Variants in SDK1 observed in about 807,000 individuals in gnomAD.
SDK1 encodes the protein sidekick cell adhesion molecule 1.
A neutral mutation model predicts 245.5 loss-of-function variants in SDK1; 157 were observed. That is an observed-to-expected ratio of 0.64 (90% CI 0.56 to 0.73). The LOEUF is 0.73. Among genes scored for constraint, SDK1 ranks in the 30% least tolerant of loss-of-function variants. The pLI, the probability that SDK1 is intolerant of heterozygous loss-of-function variation, is 0.00. For missense variants in SDK1, 3,583 were observed against 3,002.3 expected, an observed-to-expected ratio of 1.19 and a Z score of -4.52; for synonymous variants, 1,647 against 1,278.5, an observed-to-expected ratio of 1.29 and a Z score of -6.15.
chr7:3,627,047 C>T (rs1782144303), intron 2 of SDK1, among the ~76,000 whole-genome samples: 1 of 152,082 alleles, frequency 6.6e-6, no homozygotes, highest in African/African-American at 2.4e-5. Context: ...CCCACCTCAG[C>T]TTCCCACGTA....
At chr7:4,242,533 G>A (rs1009056447) in intron 43 of SDK1, among the ~76,000 whole-genome samples, 1 of 152,058 alleles carries the variant, frequency 6.6e-6, no homozygotes. Flanking sequence ...TCTGATTTGA[G>A]TACCCTTGAC....
Position 3,604,432 on chromosome 7 carries a change from C to CT in SDK1, c.299-14645dup, listed in dbSNP as rs1256202640. ...AGGAAGGTGGGTTATTGACTTCAGG[C>CT]TTTCCCTCTTTCTAATGTAAGCATT... is the stretch of plus-strand genomic sequence containing the variant. On this transcript the variant is annotated intron_variant, in intron 1 of 44. Coordinates refer to ENST00000404826, the MANE Select transcript of SDK1 (RefSeq NM_152744.4). Among the ~76,000 whole-genome samples, 3 of 152,148 alleles carry CT rather than the reference C, an allele frequency of 2.0e-5. No individual in the cohort carries two copies. The East Asian group carries it at 5.8e-4, about 29-fold the overall frequency.
At chr7:4,183,527 C>G (rs376030059) in intron 35 of SDK1, among the ~76,000 whole-genome samples, 7 of 150,628 alleles carry the variant, frequency 4.6e-5, no homozygotes, top group Non-Finnish European at 7.4e-5. Flanking sequence ...CCCAGCTACT[C>G]GGGAGGCGGA....
At chr7:4,262,299 G>A (rs574502415) in intron 44 of SDK1, among the ~76,000 whole-genome samples, 6 of 151,458 alleles carry the variant, frequency 4.0e-5, no homozygotes, top group African/African-American at 4.9e-5. Flanking sequence ...CAGGTGATCC[G>A]CTCGCCTCAG....
chr7:3,562,831 G>C (rs1779788645), intron 1 of SDK1, among the ~76,000 whole-genome samples: 1 of 133,142 alleles, frequency 7.5e-6, no homozygotes, highest in African/African-American at 2.9e-5. Context: ...CCTTATAAAA[G>C]TTTCTATATA....
In SDK1 at chr7:3,756,939, T is replaced by C. The variant is rs564764242; in HGVS notation, c.714-64511T>C. 2.0e-5 allele frequency among the ~76,000 whole-genome samples: 3 copies of C among 152,252 alleles called. No homozygotes were observed. The South Asian group carries it at 6.2e-4, about 32-fold the overall frequency. On this transcript the variant is annotated intron_variant, in intron 4 of 44. Transcript: ENST00000404826. ...AACCTTGACCCTTTGGTGAGGGTGGTGACAGTTAGGGTTTTCCACTATAAA... is the reference window on the plus strand; with the variant it reads ...AACCTTGACCCTTTGGTGAGGGTGGCGACAGTTAGGGTTTTCCACTATAAA...
At chr7:3,344,092 A>C (rs892753389) in intron 1 of SDK1, among the ~76,000 whole-genome samples, 2 of 152,192 alleles carry the variant, frequency 1.3e-5, no homozygotes, top group African/African-American at 4.8e-5. Flanking sequence ...AAGCAATAAA[A>C]GGAATATTTT....
chr7:3,552,121 C>G (rs1779437762), intron 1 of SDK1, among the ~76,000 whole-genome samples: 1 of 152,068 alleles, frequency 6.6e-6, no homozygotes, highest in Non-Finnish European at 1.5e-5. Context: ...TCACTGCAAG[C>G]TCCACCTCCC....
chr7:4,193,342 TATATA>T (rs1026453200), intron 35 of SDK1, among the ~76,000 whole-genome samples: 51 of 122,138 alleles, frequency 4.2e-4, no homozygotes, highest in African/African-American at 1.1e-3. Context: ...TATATTAATT[TATATA>T]ATATATTTAT....
intron 1 of SDK1, among the ~76,000 whole-genome samples, chr7:3,314,918 A>C (rs1216642648): frequency 6.6e-6 from 1 of 151,886 alleles, no homozygotes; most frequent in Non-Finnish European, 1.5e-5. Context: ...TTAAAACTAA[A>C]CCTCATTTGG....
At chr7:4,177,808 A>G (rs1044592985) in intron 34 of SDK1, among the ~76,000 whole-genome samples, 14 of 152,344 alleles carry the variant, frequency 9.2e-5, no homozygotes, top group African/African-American at 2.9e-4. Flanking sequence ...ACAACTCACC[A>G]TCACGTAGAA....
intron 1 of SDK1, among the ~76,000 whole-genome samples, chr7:3,603,892 T>G (rs1052058052): frequency 2.0e-5 from 3 of 152,240 alleles, no homozygotes; most frequent in African/African-American, 4.8e-5. Context: ...TTAACATGAA[T>G]GGTTGTTGAA....
intron 22 of SDK1, among the ~76,000 whole-genome samples, chr7:4,096,589 A>G (rs1782162929): frequency 6.6e-6 from 1 of 152,180 alleles, no homozygotes; most frequent in Non-Finnish European, 1.5e-5. Context: ...CATATTAGAC[A>G]TTTAATAAAT....
intron 17 of SDK1, among the ~76,000 whole-genome samples, chr7:4,033,124 C>T (rs1000506393): frequency 1.3e-5 from 2 of 151,964 alleles, no homozygotes; most frequent in Non-Finnish European, 2.9e-5. Context: ...AGAAGATGTC[C>T]GGAACAGAAC....
chr7:4,103,123 C>G (rs1782676809), intron 22 of SDK1, among the ~76,000 whole-genome samples: 1 of 151,968 alleles, frequency 6.6e-6, no homozygotes, highest in African/African-American at 2.4e-5. Context: ...GCCTCAGCCT[C>G]CAGAGTAGCT....
At chr7:3,510,958 A>G (rs748752322) in intron 1 of SDK1, among the ~76,000 whole-genome samples, 1 of 152,232 alleles carries the variant, frequency 6.6e-6, no homozygotes, top group African/African-American at 2.4e-5. Flanking sequence ...ACAAGAAGAG[A>G]TGAGATCAAA....
intron 4 of SDK1, among the ~76,000 whole-genome samples, chr7:3,764,137 T>C (rs1780184431): frequency 1.3e-5 from 2 of 152,228 alleles, no homozygotes; most frequent in Non-Finnish European, 2.9e-5. Flanking sequence ...AATTCTACTT[T>C]GGCATTTTCC....
chr7:3,756,324 C>A (rs181910136), intron 4 of SDK1, among the ~76,000 whole-genome samples: 1 of 151,524 alleles, frequency 6.6e-6, no homozygotes, highest in East Asian at 2.0e-4. Context: ...CATGGCATAG[C>A]ACGTGTGACA....
At chr7:3,512,609 C>G (rs1782618723) in intron 1 of SDK1, among the ~76,000 whole-genome samples, 1 of 152,194 alleles carries the variant, frequency 6.6e-6, no homozygotes. Flanking sequence ...GCTCCGCATC[C>G]TCTTTACCAT....
Sources: gnomAD v4.1 joint callset for allele counts (sites outside exome capture counted in the v4.1 genomes callset) on GRCh38, gnomAD v4.1.1 for gene constraint, MANE v1.5 for transcripts, NCBI Gene and HGNC (gene_info 2026-07-23, HGNC 2026-07-21) for gene names.